DNAAF11: variants seen among roughly 807,000 people sequenced by gnomAD.
DNAAF11 encodes leucine rich repeat containing 6.
In DNAAF11, 45 loss-of-function variants were observed where a neutral mutation model predicts 60.8. The observed-to-expected ratio is 0.74, with a 90% CI of 0.58 to 0.95. DNAAF11 has a LOEUF of 0.95. Ranked by LOEUF, DNAAF11 falls within the 40% of genes least tolerant of loss-of-function variation. The pLI, the probability that DNAAF11 is intolerant of heterozygous loss-of-function variation, is 0.00. For synonymous variants in DNAAF11, 191 were observed against 183.5 expected, an observed-to-expected ratio of 1.04 and a Z score of -0.33; for missense variants, 546 against 546.2, an observed-to-expected ratio of 1.00 and a Z score of 0.00.
chr8:132,626,572 T>C (rs1386025517), intron 5 of DNAAF11, among the ~76,000 whole-genome samples: 3 of 152,220 alleles, frequency 2.0e-5, no homozygotes, highest in Non-Finnish European at 2.9e-5. Flanking sequence ...AAGCATCTTC[T>C]GTTGTGCCAG....
chr8:132,659,855 T>C (rs1174612526), intron 2 of DNAAF11, among the ~76,000 whole-genome samples: 3 of 152,154 alleles, frequency 2.0e-5, no homozygotes, highest in African/African-American at 7.2e-5. Flanking sequence ...CTGAGCACTG[T>C]AGGATGGTTT....
chr8:132,674,127 GAGGAGGAGA>G (rs1563725955), intron 1 of DNAAF11, among the ~76,000 whole-genome samples: 3 of 129,240 alleles, frequency 2.3e-5, no homozygotes, highest in African/African-American at 7.8e-5. Flanking sequence ...GGAGGAGGAG[GAGGAGGAGA>G]AGGAGGAGGA....
chr8:132,592,108 C>G (rs1215067277), intron 10 of DNAAF11, among the ~76,000 whole-genome samples: 1 of 152,134 alleles, frequency 6.6e-6, no homozygotes, highest in African/African-American at 2.4e-5. Flanking sequence ...TATGTATTCA[C>G]TCAATTTCAA....
At chr8:132,657,616 A>T (rs966726803) in intron 2 of DNAAF11, among the ~76,000 whole-genome samples, 1 of 152,210 alleles carries the variant, frequency 6.6e-6, no homozygotes, top group Non-Finnish European at 1.5e-5. Flanking sequence ...TATCTTATTT[A>T]ATAAACATGA....
At chr8:132,675,562 C>T (rs988417090), upstream of DNAAF11, 5 of 1,464,278 alleles carry the variant, frequency 3.4e-6, no homozygotes, top group Non-Finnish European at 4.6e-6. Flanking sequence ...CACCCTTCAC[C>T]CCTGCTCCTC....
chr8:132,692,067 AAG>A, the DNAAF11 span, among the ~76,000 whole-genome samples: 2 of 152,170 alleles, frequency 1.3e-5, no homozygotes, highest in African/African-American at 4.8e-5. Flanking sequence ...CTATATGAAA[AAG>A]AGAGTAGTAG....
intron 5 of DNAAF11, among the ~76,000 whole-genome samples, chr8:132,628,373 T>C (rs951838712): frequency 6.6e-6 from 1 of 151,902 alleles, no homozygotes; most frequent in Non-Finnish European, 1.5e-5. Flanking sequence ...GATTGCGCCA[T>C]TGCACTCCAG....
At chr8:132,684,507 G>A in the DNAAF11 span, among the ~76,000 whole-genome samples, 1 of 152,132 alleles carries the variant, frequency 6.6e-6, no homozygotes, top group African/African-American at 2.4e-5. Context: ...GTGATCCAAA[G>A]CCCTCACCCC....
At chr8:132,578,471 A>T in intron 11 of DNAAF11, 3 of 1,534,688 alleles carry the variant, frequency 2.0e-6, no homozygotes, top group Non-Finnish European at 2.6e-6. Flanking sequence ...GGTCTTACCC[A>T]CGACCTGACT....
intron 10 of DNAAF11, among the ~76,000 whole-genome samples, chr8:132,602,030 G>A (rs545476494): frequency 2.0e-5 from 3 of 151,690 alleles, no homozygotes; most frequent in East Asian, 1.9e-4. Context: ...TACTGTCTTC[G>A]TTAATATTTT....
At chr8:132,578,070 T>G (rs1343719347) in intron 11 of DNAAF11, among the ~76,000 whole-genome samples, 3 of 152,138 alleles carry the variant, frequency 2.0e-5, no homozygotes, top group Admixed American at 6.5e-5. Flanking sequence ...AATTATTATG[T>G]TCTTACTTAA....
rs115170238 is a variant in DNAAF11, at chr8:132,658,871, C to T, written c.179-1964G>A. ...ACCCCAGGGCCCAACTTGGACACAG[C>T]GGGTTAAAAAAAAGGCTCTGTAAGT... On this transcript the variant is annotated intron_variant, in intron 2 of 11. Transcript: ENST00000620350. Among the ~76,000 whole-genome samples the T allele has an allele frequency of 8.8e-3, 1,338 of 151,858 alleles. 22 individuals carry two copies. Among genetic ancestry groups the T allele is most frequent in the African/African-American group, 0.03 (1,239 of 41,406 alleles).
At chr8:132,633,363 C>G (rs1051258865) in intron 4 of DNAAF11, among the ~76,000 whole-genome samples, 19 of 152,226 alleles carry the variant, frequency 1.2e-4, no homozygotes, top group African/African-American at 4.6e-4. Flanking sequence ...TGATTGGGCT[C>G]TAATACAAAT....
At chr8:132,578,956 G>A (rs545635592) in intron 11 of DNAAF11, among the ~76,000 whole-genome samples, 6 of 152,346 alleles carry the variant, frequency 3.9e-5, no homozygotes, top group African/African-American at 1.2e-4. Flanking sequence ...AGGGTGCAGT[G>A]CCAAAGAGCT....
chr8:132,702,902 A>G, the DNAAF11 span, among the ~76,000 whole-genome samples: 2 of 152,332 alleles, frequency 1.3e-5, no homozygotes, highest in African/African-American at 4.8e-5. Flanking sequence ...AAGGAAGATT[A>G]GGAAGGCGGA....
chr8:132,633,183 G>T (rs1479098147), intron 4 of DNAAF11, among the ~76,000 whole-genome samples: 1 of 151,844 alleles, frequency 6.6e-6, no homozygotes, highest in Non-Finnish European at 1.5e-5. Flanking sequence ...TAATAATTAG[G>T]TCTGTTAAAA....
intron 11 of DNAAF11, among the ~76,000 whole-genome samples, chr8:132,574,190 A>G (rs1814502282): frequency 6.6e-6 from 1 of 152,236 alleles, no homozygotes; most frequent in Non-Finnish European, 1.5e-5. Context: ...TCTTTTCTGC[A>G]TAGTCAGTCA....
At chr8:132,648,899 T>C (rs1453662032) in intron 3 of DNAAF11, among the ~76,000 whole-genome samples, 3 of 152,178 alleles carry the variant, frequency 2.0e-5, no homozygotes, top group East Asian at 3.8e-4. Flanking sequence ...TGCTCATGGA[T>C]AGGAAGAGTC....
chr8:132,659,049 C>A (rs1411347546), intron 2 of DNAAF11, among the ~76,000 whole-genome samples: 3 of 152,150 alleles, frequency 2.0e-5, no homozygotes, highest in African/African-American at 7.2e-5. Context: ...CTCAGCTTGG[C>A]CCAGGCATGC....
Sources: gnomAD v4.1 joint callset for allele counts (sites outside exome capture counted in the v4.1 genomes callset) on GRCh38, gnomAD v4.1.1 for gene constraint, MANE v1.5 for transcripts, NCBI Gene and HGNC (gene_info 2026-07-23, HGNC 2026-07-21) for gene names.